The following TIAM2 variants were observed in gnomAD, a reference collection of about 807,000 sequenced individuals.
TIAM2 encodes the protein rho guanine nucleotide exchange factor TIAM2.
A neutral mutation model predicts 152.9 loss-of-function variants in TIAM2; 80 were observed. That is an observed-to-expected ratio of 0.52 (90% CI 0.44 to 0.63). The LOEUF (loss-of-function observed/expected upper bound fraction) is 0.63, where lower values mean the gene tolerates loss of function less well. Ranked by LOEUF, TIAM2 falls within the 30% of genes least tolerant of loss-of-function variation. TIAM2 has a pLI of 0.00. For synonymous variants in TIAM2, 804 were observed against 838.0 expected (o/e 0.96, Z 0.70); for missense variants, 1,965 against 2,120.1 (o/e 0.93, Z 1.44).
At chr6:155,118,086 C>G (rs1327112391) in intron 2 of TIAM2, among the ~76,000 whole-genome samples, 1 of 152,152 alleles carries the variant, frequency 6.6e-6, no homozygotes, top group Non-Finnish European at 1.5e-5. Context: ...GGTTGATGGT[C>G]GTGCCGTGGT....
intron 1 of TIAM2, among the ~76,000 whole-genome samples, chr6:155,004,541 C>G (rs2114839907): frequency 6.6e-6 from 1 of 152,168 alleles, no homozygotes; most frequent in East Asian, 1.9e-4. Flanking sequence ...GTTACAGGCG[C>G]CCGCCACTAC....
At chr6:155,101,905 T>C (rs1583190325) in intron 2 of TIAM2, among the ~76,000 whole-genome samples, 1 of 152,154 alleles carries the variant, frequency 6.6e-6, no homozygotes, top group African/African-American at 2.4e-5. Context: ...GGTTTCACCA[T>C]GTTGGCTAGG....
chr6:155,221,569 T>G (rs1782047061), intron 15 of TIAM2, among the ~76,000 whole-genome samples: 1 of 152,214 alleles, frequency 6.6e-6, no homozygotes. Context: ...TGTTTGACCT[T>G]TTCAAGGCAA....
intron 1 of TIAM2, among the ~76,000 whole-genome samples, chr6:155,077,163 C>G (rs1043681144): frequency 6.7e-6 from 1 of 150,030 alleles, no homozygotes; most frequent in Non-Finnish European, 1.5e-5. Flanking sequence ...GTTCACTATT[C>G]TTTTTAGTGA....
rs6927740 is a variant in TIAM2 at position 155,038,216 on chromosome 6, G to T, written c.-209+42724G>T. Among the ~76,000 whole-genome samples the T allele has an allele frequency of 1.4e-4, 22 of 152,194 alleles. No individual in the cohort carries two copies. In the East Asian group the frequency reaches 1.9e-3, roughly 13 times the overall value. ...GGCCTGAGCTTTCCTAAGCCTTCTC[G>T]CCCGTTATCCTTCAGATGACCCACC... is the stretch of plus-strand genomic sequence containing the variant. On this transcript the variant is annotated intron_variant, in intron 1 of 26. Coordinates refer to ENST00000682666, the MANE Select transcript of TIAM2 (RefSeq NM_012454.4).
intron 7 of TIAM2, among the ~76,000 whole-genome samples, chr6:155,162,024 C>T (rs185794246): frequency 5.3e-5 from 8 of 152,204 alleles, no homozygotes; most frequent in African/African-American, 1.9e-4. Flanking sequence ...ATGGCGTGAT[C>T]TCAATTCACT....
chr6:155,247,905 AT>A, intron 19 of TIAM2, 94 bp from the exon 20 acceptor site: 1 of 1,440,090 alleles, frequency 6.9e-7, no homozygotes. Flanking sequence ...TAGGAGGACT[AT>A]AGAAATAGAT....
intron 1 of TIAM2, among the ~76,000 whole-genome samples, chr6:155,025,239 G>C (rs985520692): frequency 1.3e-5 from 2 of 149,578 alleles, no homozygotes; most frequent in Non-Finnish European, 3.0e-5. Context: ...TGTTACCCAG[G>C]CTGGAGTGCA....
rs1784085375 is a variant in TIAM2 at position 155,256,909 on chromosome 6, T to A, written c.4894T>A (p.Phe1632Ile). 6.2e-7 allele frequency: 1 copy of A among 1,614,110 alleles called. No homozygotes were observed. The highest frequency in any genetic ancestry group is 8.5e-7 in the Non-Finnish European group (1 of 1,180,056). The change falls in exon 27 of 27, where the codon TTC becomes ATC. Residue 1632 changes from phenylalanine to isoleucine, a missense_variant. Physicochemically the swap from Phe to Ile is conservative, Grantham distance 21 (BLOSUM62 0). Transcript: ENST00000682666. ...GCAGCCCAAACTGGTCCGGGGGCAC[T>A]TCTGCCCCATTAAACGAAAAGCCAA... ...GEQPKLVRGH[F>I]CPIKRKANST... is the part of the protein sequence containing the mutation.
chr6:155,165,516 G>A (rs1780406114), intron 9 of TIAM2, 107 bp downstream of exon 9: 2 of 1,451,380 alleles, frequency 1.4e-6, no homozygotes, highest in Admixed American at 2.3e-5. Context: ...AGAATGAAAT[G>A]AGGCGAGGTG....
At chr6:155,187,573 CTTTTTT>C (rs59818801) in intron 14 of TIAM2, among the ~76,000 whole-genome samples, 5 of 49,612 alleles carry the variant, frequency 1.0e-4, no homozygotes, top group Admixed American at 2.8e-4. Flanking sequence ...ACCCCGCCCC[CTTTTTT>C]TTTTTTTTTT....
intron 14 of TIAM2, among the ~76,000 whole-genome samples, chr6:155,192,796 T>C (rs1388338705): frequency 6.6e-6 from 1 of 152,220 alleles, no homozygotes; most frequent in African/African-American, 2.4e-5. Context: ...AGAAAATTCA[T>C]TCTTATACAG....
intron 1 of TIAM2, among the ~76,000 whole-genome samples, chr6:154,998,509 T>A (rs905923637): frequency 2.0e-5 from 3 of 152,216 alleles, no homozygotes; most frequent in Non-Finnish European, 4.4e-5. Context: ...GTAAAAATGC[T>A]CCAAATTTTG....
intron 2 of TIAM2, among the ~76,000 whole-genome samples, chr6:155,107,795 TC>T (rs1205098414): frequency 1.3e-5 from 2 of 152,186 alleles, no homozygotes; most frequent in African/African-American, 4.8e-5. Context: ...CATATTCTAG[TC>T]CATTAGAGGC....
intron 2 of TIAM2, among the ~76,000 whole-genome samples, chr6:155,102,190 G>A (rs1007883109): frequency 2.0e-5 from 3 of 150,736 alleles, no homozygotes; most frequent in South Asian, 4.2e-4. Flanking sequence ...GGGTATCACT[G>A]TGTTGGCCAG....
intron 2 of TIAM2, among the ~76,000 whole-genome samples, chr6:155,116,640 C>A (rs1393435297): frequency 6.6e-6 from 1 of 152,146 alleles, no homozygotes; most frequent in Non-Finnish European, 1.5e-5. Context: ...TTCTGATGTA[C>A]TGAAGCTCGG....
intron 2 of TIAM2, among the ~76,000 whole-genome samples, chr6:155,113,870 T>C (rs1359653430): frequency 1.3e-5 from 2 of 151,882 alleles, no homozygotes; most frequent in Non-Finnish European, 1.5e-5. Flanking sequence ...AGAGTTGTTA[T>C]TCAGTGAACA....
chr6:155,072,812 T>G (rs1777869085), intron 1 of TIAM2, among the ~76,000 whole-genome samples: 1 of 151,942 alleles, frequency 6.6e-6, no homozygotes, highest in South Asian at 2.1e-4. Flanking sequence ...AGGGAGGAGT[T>G]CAGGAAGGAG....
At chr6:155,177,961 A>G (rs1054222103) in intron 10 of TIAM2, among the ~76,000 whole-genome samples, 11 of 152,074 alleles carry the variant, frequency 7.2e-5, no homozygotes, top group Non-Finnish European at 1.5e-4. Context: ...GGAGATCGAG[A>G]CCATCCTGGC....
Sources: gnomAD v4.1 joint callset for allele counts (sites outside exome capture counted in the v4.1 genomes callset) on GRCh38, gnomAD v4.1.1 for gene constraint, MANE v1.5 for transcripts, NCBI Gene and HGNC (gene_info 2026-07-23, HGNC 2026-07-21) for gene names.